GRIN2B: variants seen among roughly 807,000 people sequenced by gnomAD.
GRIN2B encodes glutamate ionotropic receptor NMDA type subunit 2B, also known as glutamate receptor ionotropic, NMDA 2B.
In GRIN2B, 5 loss-of-function variants were observed where a neutral mutation model predicts 114.5. The observed-to-expected ratio is 0.04, with a 90% CI of 0.02 to 0.09. The LOEUF is 0.09. Ranked by LOEUF, GRIN2B falls within the 10% of genes least tolerant of loss-of-function variation. The pLI, the probability that GRIN2B is intolerant of heterozygous loss-of-function variation, is 1.00. For missense variants in GRIN2B, 1,108 were observed against 1,943.5 expected (o/e 0.57, Z 8.08); for synonymous variants, 787 against 745.1 (o/e 1.06, Z -0.92).
At chr12:13,935,193 A>G (rs1409658547) in intron 2 of GRIN2B, among the ~76,000 whole-genome samples, 1 of 152,224 alleles carries the variant, frequency 6.6e-6, no homozygotes, top group Non-Finnish European at 1.5e-5. Context: ...TGTCATAGCT[A>G]TTCAAAAGGC....
intron 4 of GRIN2B, 73 bp from the exon 5 acceptor site, chr12:13,675,932 A>T: frequency 1.2e-6 from 1 of 845,674 alleles, no homozygotes; most frequent in South Asian, 1.4e-5. Context: ...TCAGGTATAT[A>T]GAGAGAAAGC....
In GRIN2B at chr12:13,550,640, C is replaced by G. The variant is rs560004816; in HGVS notation, c.*12143G>C. 2.0e-5 allele frequency: 3 copies of G among 152,166 alleles called. No individual in the cohort carries two copies. Among genetic ancestry groups the G allele is most frequent in the African/African-American group, 7.2e-5 (3 of 41,436 alleles). 9.4% of individuals were successfully genotyped at this position (152,166 alleles called of 1,614,324 possible). ...GACAGTTAGCAGGATAACTATGTTGCTCTACCACAAAGAAAATGCTGCCTT... is the reference window on the plus strand; with the variant it reads ...GACAGTTAGCAGGATAACTATGTTGGTCTACCACAAAGAAAATGCTGCCTT... On this transcript the variant is annotated 3_prime_UTR_variant, in exon 14 of 14. Transcript: ENST00000609686.
Position 13,538,261 on chromosome 12 carries a change from G to A in GRIN2B, c.*24522C>T, listed in dbSNP as rs1948235653. On this transcript the variant is annotated 3_prime_UTR_variant, in exon 14 of 14. Coordinates refer to ENST00000609686, the MANE Select transcript of GRIN2B (RefSeq NM_000834.5). ...AGACTGGTCTTACTGATAGTCCCTT[G>A]CAGTGGACTTCAGGGTGGCACAAGG... is the stretch of plus-strand genomic sequence containing the variant. 1 of 152,162 alleles carries A rather than the reference G, an allele frequency of 6.6e-6. No homozygotes were observed. The highest frequency in any genetic ancestry group is 2.4e-5 in the African/African-American group (1 of 41,418). The allele number at this position is 152,162 out of a possible 1,614,324, so 9.4% of individuals were successfully genotyped here.
At chr12:13,633,316 A>G (rs1949633408) in intron 5 of GRIN2B, among the ~76,000 whole-genome samples, 1 of 152,246 alleles carries the variant, frequency 6.6e-6, no homozygotes, top group Non-Finnish European at 1.5e-5. Flanking sequence ...AACTGTGGGC[A>G]GAACCCAGCA....
At chr12:13,927,708 A>G (rs1047413515) in intron 2 of GRIN2B, among the ~76,000 whole-genome samples, 1 of 151,880 alleles carries the variant, frequency 6.6e-6, no homozygotes, top group Non-Finnish European at 1.5e-5. Flanking sequence ...AATCCCAGCA[A>G]TTTGGGAGGC....
chr12:13,695,193 A>G (rs1440731666), intron 4 of GRIN2B, among the ~76,000 whole-genome samples: 1 of 152,162 alleles, frequency 6.6e-6, no homozygotes, highest in East Asian at 1.9e-4. Flanking sequence ...TAACCATCAT[A>G]TAGAAAACAG....
Position 13,564,577 on chromosome 12 carries a change from G to A in GRIN2B, c.2661C>T (p.Pro887=), listed in dbSNP as rs201157664. 1 of 1,613,844 alleles carries A rather than the reference G, an allele frequency of 6.2e-7. No homozygotes were observed. The highest frequency in any genetic ancestry group is 8.5e-7 in the Non-Finnish European group (1 of 1,179,932). Reference sequence around the variant, plus strand: ...AGTGTGTGTTGTTCATGGTTGCGGTGGGGGAGTTCATTACAGACTGGCGCT... The same window carrying A: ...AGTGTGTGTTGTTCATGGTTGCGGTAGGGGAGTTCATTACAGACTGGCGCT... The part of the protein sequence containing the change: ...IEERQSVMNS[P]TATMNNTHSN... Residue 887 remains proline, a synonymous_variant, in exon 14 of 14, where the codon CCC becomes CCT. Transcript: ENST00000609686. The surrounding 1 kb of genome is among the most constrained non-coding windows in gnomAD (Gnocchi z 4.8).
At chr12:13,800,048 T>C (rs1864480287) in intron 3 of GRIN2B, among the ~76,000 whole-genome samples, 1 of 152,058 alleles carries the variant, frequency 6.6e-6, no homozygotes, top group Non-Finnish European at 1.5e-5. Context: ...GCTCTAATAA[T>C]GGGAACACAA....
At chr12:13,781,081 T>C (rs79507935) in intron 3 of GRIN2B, among the ~76,000 whole-genome samples, 3,449 of 152,280 alleles carry the variant, frequency 0.023, 124 homozygotes, top group African/African-American at 0.078. Context: ...GAGAGATCCC[T>C]GATAGATAAC....
At chr12:13,949,746 T>C (rs1867444336) in intron 2 of GRIN2B, among the ~76,000 whole-genome samples, 2 of 152,130 alleles carry the variant, frequency 1.3e-5, no homozygotes, top group African/African-American at 4.8e-5. Flanking sequence ...GTAGTGTATA[T>C]TGATGGGCCA....
chr12:13,949,970 TA>T (rs1258268881), intron 2 of GRIN2B, among the ~76,000 whole-genome samples: 1 of 152,176 alleles, frequency 6.6e-6, no homozygotes, highest in Non-Finnish European at 1.5e-5. Context: ...CAAAAAGTAG[TA>T]AACATTATAG....
Position 13,908,733 on chromosome 12 carries a change from A to T in GRIN2B, c.-18-42507T>A, listed in dbSNP as rs529469516. 9.9e-5 allele frequency among the ~76,000 whole-genome samples: 15 copies of T among 152,258 alleles called. No homozygotes were observed. The South Asian group carries it at 1.2e-3, about 13-fold the overall frequency. On this transcript the variant is annotated intron_variant, in intron 2 of 13. Coordinates refer to ENST00000609686, the MANE Select transcript of GRIN2B (RefSeq NM_000834.5). ...TGCCCTGCCCTGAACCTCTCTACTC[A>T]AGTTAAATAACACTACTTCCTTCAA...
intron 5 of GRIN2B, among the ~76,000 whole-genome samples, chr12:13,663,413 A>G (rs977001916): frequency 4.6e-5 from 7 of 152,220 alleles, no homozygotes; most frequent in African/African-American, 1.7e-4. Flanking sequence ...AAGTAGATCA[A>G]ATAGCACAAG....
At position 13,919,622 on chromosome 12, in the gene GRIN2B, A is replaced by C. The variant is rs966300344; in HGVS notation, c.-18-53396T>G. On this transcript the variant is annotated intron_variant, in intron 2 of 13. Transcript: ENST00000609686. ...TGCAGTCTTTTAAGACCGTGCATCA[A>C]CTTAAACTAAGTCTTTGGGTTTACT... Among the ~76,000 whole-genome samples, 4 of 152,296 alleles carry C rather than the reference A, an allele frequency of 2.6e-5. No individual in the cohort carries two copies. The East Asian group carries it at 7.7e-4, about 29-fold the overall frequency.
chr12:13,964,917 C>G (rs1374410375), intron 2 of GRIN2B, among the ~76,000 whole-genome samples: 2 of 152,182 alleles, frequency 1.3e-5, no homozygotes, highest in East Asian at 3.8e-4. Flanking sequence ...AGGCACAATA[C>G]TTAACTGTTC....
chr12:13,815,628 G>A (rs1289515017), intron 3 of GRIN2B, among the ~76,000 whole-genome samples: 1 of 152,124 alleles, frequency 6.6e-6, no homozygotes, highest in East Asian at 1.9e-4. Context: ...TATGTAATAA[G>A]AGAATCAGAG....
At chr12:13,665,888 G>A (rs999911308) in intron 5 of GRIN2B, among the ~76,000 whole-genome samples, 2 of 152,056 alleles carry the variant, frequency 1.3e-5, no homozygotes, top group Non-Finnish European at 2.9e-5. Flanking sequence ...GAATGCTGAG[G>A]TGCCTTAAAT....
At chr12:13,693,754 C>T (rs942061895) in intron 4 of GRIN2B, among the ~76,000 whole-genome samples, 13 of 152,194 alleles carry the variant, frequency 8.5e-5, no homozygotes, top group Admixed American at 1.3e-4. Context: ...CCTTCCCCTT[C>T]TCCGGTGACT....
intron 5 of GRIN2B, among the ~76,000 whole-genome samples, chr12:13,629,214 C>T (rs750911653): frequency 2.6e-5 from 4 of 152,158 alleles, no homozygotes; most frequent in African/African-American, 7.2e-5. Context: ...TAGACAATAA[C>T]GGTCAATTTG....
Sources: allele counts gnomAD v4.1 joint callset (sites outside exome capture counted in the v4.1 genomes callset), GRCh38; gene constraint gnomAD v4.1.1; non-coding constraint Gnocchi (gnomAD v3.1); transcripts MANE v1.5; gene names NCBI Gene and HGNC (gene_info 2026-07-23, HGNC 2026-07-21).